The following HSD17B14 variants were observed in gnomAD, a reference collection of about 807,000 sequenced individuals.
HSD17B14 encodes L-fucose dehydrogenase.
In HSD17B14, 32 loss-of-function variants were observed where a neutral mutation model predicts 32.2. That is an observed-to-expected ratio of 0.99 (90% CI 0.75 to 1.33). The LOEUF (loss-of-function observed/expected upper bound fraction) is 1.33. Ranked by LOEUF, HSD17B14 falls within the 40% of genes most tolerant of loss-of-function variation. The pLI is 0.00. For missense variants in HSD17B14, 370 were observed against 366.5 expected (o/e 1.01, Z -0.08); for synonymous variants, 140 against 155.4 (o/e 0.90, Z 0.74).
chr19:48,824,431 A>C (rs1172534034), intron 5 of HSD17B14, among the ~76,000 whole-genome samples: 1 of 141,082 alleles, frequency 7.1e-6, no homozygotes, highest in Non-Finnish European at 1.5e-5. Context: ...GAAAGGAGGA[A>C]AGAAGGAAAG....
intron 5 of HSD17B14, 106 bp from the exon 6 acceptor site, chr19:48,815,247 G>T (rs2035032444): frequency 1.2e-6 from 1 of 800,332 alleles, no homozygotes; most frequent in African/African-American, 1.7e-5. Context: ...CCACCTCCCT[G>T]GCATGTTTCT....
At position 48,821,958 on chromosome 19, in the gene HSD17B14, G is replaced by A. The variant is rs577956300; in HGVS notation, c.370-6817C>T. 4.8e-3 allele frequency among the ~76,000 whole-genome samples: 713 copies of A among 148,196 alleles called. 9 individuals carry two copies. The highest frequency in any genetic ancestry group is 0.017 in the African/African-American group (672 of 40,236). ...ATGGTGACGTGGTAATGATGGTTAC[G>A]ATTGTGGTAATGATGGTGATGATTG... On this transcript the variant is annotated intron_variant, in intron 5 of 8. Transcript: ENST00000263278.
intron 2 of HSD17B14, among the ~76,000 whole-genome samples, chr19:48,834,762 T>C: frequency 9.5e-6 from 1 of 105,700 alleles, no homozygotes; most frequent in Admixed American, 9.0e-5. Context: ...CCTGGACTCC[T>C]GGGTCTGAGG....
chr19:48,814,972 TG>T, intron 6 of HSD17B14, 64 bp downstream of exon 6: 1 of 1,292,130 alleles, frequency 7.7e-7, no homozygotes, highest in Non-Finnish European at 1.1e-6. Context: ...CTAAGTTGTC[TG>T]GACTCAAAGC....
At chr19:48,830,898 G>A (rs1338651146) in intron 5 of HSD17B14, among the ~76,000 whole-genome samples, 1 of 151,782 alleles carries the variant, frequency 6.6e-6, no homozygotes, top group East Asian at 1.9e-4. Context: ...GTATGCAGTG[G>A]TGTGTACATA....
At position 48,813,308 on chromosome 19, in the gene HSD17B14, G is replaced by T; in HGVS notation, c.680C>A (p.Ala227Glu). ...RMGQPAEVGA[A>E]AVFLASEANF... ...GGCTTCGGAGGCCAGGAACACTGCC[G>T]CAGCCCCGACCTCAGCGGGCTGGCC... is the stretch of plus-strand genomic sequence containing the variant. Residue 227 changes from alanine (A) to glutamate (E), a missense_variant, in exon 9 of 9, where the codon GCG becomes GAG. Coordinates refer to ENST00000263278, the MANE Select transcript of HSD17B14 (RefSeq NM_016246.3). 1 of 1,597,702 alleles carries T rather than the reference G, an allele frequency of 6.3e-7. No individual in the cohort carries two copies.
At chr19:48,834,513 G>GGC (rs2035430365) in intron 2 of HSD17B14, among the ~76,000 whole-genome samples, 155 bp from the exon 3 acceptor site, 1 of 107,872 alleles carries the variant, frequency 9.3e-6, no homozygotes, top group Non-Finnish European at 1.8e-5. Context: ...TGGGTCTGAG[G>GGC]AAGTAGGGCC....
intron 4 of HSD17B14, 138 bp from the exon 5 acceptor site, chr19:48,831,897 G>A: frequency 1.7e-6 from 1 of 593,940 alleles, no homozygotes; most frequent in Non-Finnish European, 3.1e-6. Context: ...GGCTGACAGG[G>A]CAAAACCCTG....
At position 48,825,501 on chromosome 19, in the gene HSD17B14, G is replaced by A. The variant is rs552721602; in HGVS notation, c.369+6167C>T. On this transcript the variant is annotated intron_variant, in intron 5 of 8. Transcript: ENST00000263278. ...TTTGTTTATTTTTGGTTGAGATGGG[G>A]TCTGGTGCTATGTTGCCCAGGCTGG... is the stretch of plus-strand genomic sequence containing the variant. 1.1e-4 allele frequency among the ~76,000 whole-genome samples: 16 copies of A among 151,924 alleles called. No homozygotes were observed. The East Asian group carries it at 2.9e-3, about 28-fold the overall frequency.
At chr19:48,826,262 G>A (rs1047413646) in intron 5 of HSD17B14, among the ~76,000 whole-genome samples, 4 of 151,586 alleles carry the variant, frequency 2.6e-5, no homozygotes, top group Non-Finnish European at 5.9e-5. Context: ...GGTGGCCGAG[G>A]CAGGCAGACC....
Position 48,827,045 on chromosome 19 carries a change from CT to C in HSD17B14, c.369+4622del, listed in dbSNP as rs770386507. On this transcript the variant is annotated intron_variant, in intron 5 of 8. Coordinates refer to ENST00000263278, the MANE Select transcript of HSD17B14 (RefSeq NM_016246.3). ...TGGGGAGAACAAACCTAAAACCCCA[CT>C]TTTTTTTTTTTTTTGAGATGGAGTC... Among the ~76,000 whole-genome samples, 400 of 143,214 alleles carry C rather than the reference CT, an allele frequency of 2.8e-3. 2 individuals are homozygous for C. Among genetic ancestry groups the C allele is most frequent in the South Asian group, 9.1e-3 (41 of 4,516 alleles). 94.0% of individuals were successfully genotyped at this position (143,214 alleles called of 152,430 possible).
rs746531047 is a variant in HSD17B14, at chr19:48,813,160, T to C, written c.*15A>G. On this transcript the variant is annotated 3_prime_UTR_variant, in exon 9 of 9. Coordinates refer to ENST00000263278, the MANE Select transcript of HSD17B14 (RefSeq NM_016246.3). ...AGAGTCCTAGGAAGGGGGCCCCAAG[T>C]AGAAATGAGAGAAATCAGGAAGGGA... 1.9e-6 allele frequency: 3 copies of C among 1,565,776 alleles called. No homozygotes were observed. The highest frequency in any genetic ancestry group is 2.3e-5 in the East Asian group (1 of 44,254).
In HSD17B14 at chr19:48,834,343, G is replaced by A. The variant is rs1448812299; in HGVS notation, c.143C>T (p.Ala48Val). ...ICDKDESGGRALEQELPGAVF... is the reference protein window; with the variant it reads ...ICDKDESGGRVLEQELPGAVF... Reference sequence around the variant, plus strand: ...AGCTCCAGGGAGCTCCTGCTCCAGGGCCCGGCCCCCAGACTCTGCAGGGAG... The same window carrying A: ...AGCTCCAGGGAGCTCCTGCTCCAGGACCCGGCCCCCAGACTCTGCAGGGAG... Residue 48 changes from alanine (A) to valine (V), a missense_variant, in exon 3 of 9, where the codon GCC (alanine) becomes GTC (valine). Ala to Val is a moderately conservative substitution (Grantham distance 64, BLOSUM62 0). Transcript: ENST00000263278. The A allele has an allele frequency of 1.2e-6, 2 of 1,613,714 alleles. No homozygotes were observed. Among genetic ancestry groups the A allele is most frequent in the Admixed American group, 3.3e-5 (2 of 60,006 alleles).
At chr19:48,821,781 T>G (rs1483768590) in intron 5 of HSD17B14, among the ~76,000 whole-genome samples, 2 of 150,626 alleles carry the variant, frequency 1.3e-5, no homozygotes, top group Non-Finnish European at 3.0e-5. Context: ...AGGATGACGG[T>G]GAAGATGCTG....
At chr19:48,834,384 C>T in intron 2 of HSD17B14, 26 bp from the exon 3 acceptor site, 1 of 1,526,768 alleles carries the variant, frequency 6.5e-7, no homozygotes, top group East Asian at 2.2e-5. Flanking sequence ...AGCTGGGAGC[C>T]TGGACCCCTG....
At chr19:48,814,085 C>T (rs1018997241) in intron 6 of HSD17B14, among the ~76,000 whole-genome samples, 3 of 151,844 alleles carry the variant, frequency 2.0e-5, no homozygotes, top group Non-Finnish European at 4.4e-5. Context: ...ATCCCAGCTA[C>T]TGGGGAGGCT....
intron 2 of HSD17B14, among the ~76,000 whole-genome samples, 165 bp from the exon 3 acceptor site, chr19:48,834,523 C>CT (rs1373380517): frequency 1.1e-5 from 1 of 93,542 alleles, no homozygotes; most frequent in Non-Finnish European, 1.9e-5. Context: ...GAAGTAGGGC[C>CT]TGGGGGCCTG....
At chr19:48,820,720 C>T (rs942446338) in intron 5 of HSD17B14, among the ~76,000 whole-genome samples, 7 of 150,916 alleles carry the variant, frequency 4.6e-5, no homozygotes, top group African/African-American at 7.3e-5. Context: ...GACAGGGTTT[C>T]GGCCGGGCGC....
At chr19:48,817,308 G>C (rs74422182) in intron 5 of HSD17B14, among the ~76,000 whole-genome samples, 51,427 of 151,316 alleles carry the variant, frequency 0.34, 8,908 homozygotes, top group African/African-American at 0.4. Flanking sequence ...CTCCTGAGTA[G>C]CTGGGACTAC....
Sources: gnomAD v4.1 joint callset for allele counts (sites outside exome capture counted in the v4.1 genomes callset) on GRCh38, gnomAD v4.1.1 for gene constraint, MANE v1.5 for transcripts, NCBI Gene and HGNC (gene_info 2026-07-23, HGNC 2026-07-21) for gene names.